Variants in MEAF6 observed in about 807,000 individuals in gnomAD.
MEAF6 encodes the protein chromatin modification-related protein MEAF6.
MEAF6 carries 15 observed loss-of-function variants against 28.9 expected under a neutral mutation model. That is an observed-to-expected ratio of 0.52 (90% CI 0.35 to 0.80). The LOEUF is 0.80. Among genes scored for constraint, MEAF6 ranks in the 30% least tolerant of loss-of-function variants. The probability of loss-of-function intolerance (pLI) is 0.01; values close to 1 mark genes in which losing one functional copy is unlikely to be tolerated. For missense variants in MEAF6, 178 were observed against 237.5 expected (o/e 0.75, Z 1.65); for synonymous variants, 97 against 88.7 (o/e 1.09, Z -0.53).
In MEAF6 at chr1:37,493,798, T is replaced by G. The variant is rs780534754; in HGVS notation, c.*301A>C. 41 of 1,550,716 alleles carry G rather than the reference T, an allele frequency of 2.6e-5. No individual in the cohort carries two copies. Among genetic ancestry groups the G allele is most frequent in the Non-Finnish European group, 3.6e-5 (41 of 1,147,074 alleles). On this transcript the variant is annotated 3_prime_UTR_variant, in exon 7 of 7. Coordinates refer to ENST00000296214, the MANE Select transcript of MEAF6 (RefSeq NM_001270875.3). ...AGATGAAGCTGGTGCCAGCCAGTTT[T>G]GGGGGAGACATTCATTCTAAGAAGG...
intron 6 of MEAF6, among the ~76,000 whole-genome samples, chr1:37,495,131 G>C (rs1642076354): frequency 6.6e-6 from 1 of 151,338 alleles, no homozygotes. Context: ...TCAGGAGTTT[G>C]AGACCAGCAT....
Position 37,491,954 on chromosome 1 carries a change from C to T in MEAF6, c.*2145G>A, listed in dbSNP as rs1641947434. 6.7e-6 allele frequency among the ~76,000 whole-genome samples: 1 copy of T among 150,176 alleles called. No individual in the cohort carries two copies. Among genetic ancestry groups the T allele is most frequent in the African/African-American group, 2.4e-5 (1 of 40,930 alleles). On this transcript the variant is annotated 3_prime_UTR_variant, in exon 7 of 7. Transcript: ENST00000296214. ...TTTTGACAGAGTCTCGCTCTGTCGC[C>T]CAGGCTGCTGGAGTGCAGTGGCGCA...
rs1417568856 is a variant in MEAF6, at chr1:37,492,991, G to C, written c.*1108C>G. ...TTCCAATGTGCAGCCAGACCCTGTC[G>C]CAAGTTCACCACAGCACTAGAGGCA... On this transcript the variant is annotated 3_prime_UTR_variant, in exon 7 of 7. Transcript: ENST00000296214. 2.0e-5 allele frequency: 3 copies of C among 152,164 alleles called. No individual in the cohort carries two copies. Among genetic ancestry groups the C allele is most frequent in the Non-Finnish European group, 4.4e-5 (3 of 68,038 alleles). 9.4% of individuals were successfully genotyped at this position (152,164 alleles called of 1,614,324 possible).
In MEAF6 at chr1:37,514,654, C is replaced by T. The variant is rs1368676642; in HGVS notation, c.90+3G>A. 1.3e-6 allele frequency: 2 copies of T among 1,533,756 alleles called. No individual in the cohort carries two copies. The highest frequency in any genetic ancestry group is 1.4e-5 in the African/African-American group (1 of 69,414). On this transcript the variant is annotated splice_donor_region_variant and intron_variant, in intron 1 of 6. Transcript: ENST00000296214. ...CCGTGCAACCCCTGTCCTAGCCCCT[C>T]ACCGCCAGCTCCTGCTTCCGCTTCA...
chr1:37,512,511 G>A (rs573395119), intron 2 of MEAF6, among the ~76,000 whole-genome samples: 101 of 152,250 alleles, frequency 6.6e-4, no homozygotes, highest in African/African-American at 2.4e-3. Context: ...CCTATAATTT[G>A]AAGATTTTCT....
In MEAF6 at chr1:37,502,007, T is replaced by A. The variant is rs1303983101; in HGVS notation, c.341-11A>T. On this transcript the variant is annotated splice_polypyrimidine_tract_variant and intron_variant, in intron 4 of 6. Transcript: ENST00000296214. The stretch of plus-strand genomic sequence containing the variant: ...CACTTCCTGGCTCCCCTGAAGGAAA[T>A]AAAACACAAGTTTCCAAATGCATCA... The A allele has an allele frequency of 1.7e-5, 27 of 1,586,678 alleles. No homozygotes were observed. Among genetic ancestry groups the A allele is most frequent in the Non-Finnish European group, 2.3e-5 (27 of 1,160,364 alleles).
At chr1:37,498,162 T>C (rs1022771039) in intron 5 of MEAF6, among the ~76,000 whole-genome samples, 2 of 152,164 alleles carry the variant, frequency 1.3e-5, no homozygotes, top group South Asian at 2.1e-4. Flanking sequence ...TCCTAGACAA[T>C]GTTTGCAAGA....
intron 4 of MEAF6, among the ~76,000 whole-genome samples, chr1:37,508,198 TAC>T (rs1642548531): frequency 6.6e-6 from 1 of 151,430 alleles, no homozygotes; most frequent in African/African-American, 2.4e-5. Context: ...ATAATTCGTT[TAC>T]AGAGTAAATA....
Position 37,494,010 on chromosome 1 carries a change from C to G in MEAF6, c.*89G>C. The G allele has an allele frequency of 6.3e-7, 1 of 1,589,304 alleles. No individual in the cohort carries two copies. Among genetic ancestry groups the G allele is most frequent in the Non-Finnish European group, 8.5e-7 (1 of 1,171,860 alleles). On this transcript the variant is annotated 3_prime_UTR_variant, in exon 7 of 7. Transcript: ENST00000296214. The stretch of plus-strand genomic sequence containing the variant: ...CTGGGAGAGCAGAGGTGGATGGCCA[C>G]GAACTCAGGTGAAGGATGTTTATCT...
chr1:37,492,317 C>T lies in MEAF6; in HGVS notation c.*1782G>A, dbSNP rs1471078848. ...TGCTGGGATTACAGGTGTGAGCCAC[C>T]GCACCCAGCCCAAGAGTCAAAAATA... On this transcript the variant is annotated 3_prime_UTR_variant, in exon 7 of 7. Coordinates refer to ENST00000296214, the MANE Select transcript of MEAF6 (RefSeq NM_001270875.3). Among the ~76,000 whole-genome samples, 1 of 151,392 alleles carries T rather than the reference C, an allele frequency of 6.6e-6. No homozygotes were observed. The highest frequency in any genetic ancestry group is 1.5e-5 in the Non-Finnish European group (1 of 67,810).
intron 5 of MEAF6, among the ~76,000 whole-genome samples, chr1:37,499,831 C>T (rs898123894): frequency 1.3e-5 from 2 of 152,170 alleles, no homozygotes; most frequent in African/African-American, 4.8e-5. Context: ...TGAAGTTTAG[C>T]TCCTCTTTAA....
chr1:37,508,977 G>A (rs1642575813), intron 4 of MEAF6, among the ~76,000 whole-genome samples: 1 of 152,128 alleles, frequency 6.6e-6, no homozygotes, highest in African/African-American at 2.4e-5. Flanking sequence ...GATGCCTGTG[G>A]TCCTAGCTAC....
intron 4 of MEAF6, among the ~76,000 whole-genome samples, chr1:37,507,045 C>A (rs904521425): frequency 6.6e-6 from 1 of 152,156 alleles, no homozygotes; most frequent in African/African-American, 2.4e-5. Flanking sequence ...CAGGGCCGGG[C>A]CCTGTGGCTC....
rs1320025815 is a variant in MEAF6, at chr1:37,493,861, A to G, written c.*238T>C. On this transcript the variant is annotated 3_prime_UTR_variant, in exon 7 of 7. Transcript: ENST00000296214. ...GTTAGCAACTTGCTGGGATTACAAC[A>G]TTGTCTTCATCTTCCTGCAGTTCTG... 3 of 1,554,300 alleles carry G rather than the reference A, an allele frequency of 1.9e-6. No homozygotes were observed. Among genetic ancestry groups the G allele is most frequent in the Admixed American group, 2.0e-5 (1 of 49,084 alleles).
intron 5 of MEAF6, chr1:37,500,815 G>C (rs980533245): frequency 1.3e-5 from 2 of 152,758 alleles, no homozygotes; most frequent in Admixed American, 6.5e-5. Flanking sequence ...AAGCAAACTG[G>C]AGAACAGGGA....
At chr1:37,509,377 A>C in intron 3 of MEAF6, 54 bp from the exon 4 acceptor site, 1 of 1,604,802 alleles carries the variant, frequency 6.2e-7, no homozygotes, top group Non-Finnish European at 8.5e-7. Context: ...TCAGAAGAGC[A>C]CTCCCAGAGG....
chr1:37,494,285 G>A (rs1465134905), intron 6 of MEAF6, among the ~76,000 whole-genome samples, 178 bp from the exon 7 acceptor site: 1 of 152,074 alleles, frequency 6.6e-6, no homozygotes, highest in Admixed American at 6.6e-5. Context: ...GGAAGCCGAG[G>A]CAGGGAGATC....
Position 37,495,411 on chromosome 1 carries a change from A to G in MEAF6, c.567+474T>C, listed in dbSNP as rs181188704. 1.4e-3 allele frequency among the ~76,000 whole-genome samples: 205 copies of G among 151,196 alleles called. 2 individuals carry two copies. Among genetic ancestry groups the G allele is most frequent in the Middle Eastern group, 0.01 (3 of 292 alleles). On this transcript the variant is annotated intron_variant, in intron 6 of 6. Transcript: ENST00000296214. Reference sequence around the variant, plus strand: ...TGACCTCTTTCTCTCCTTAAAATACAAAAACCATAGGCCAGGCACGTTGGC... The same window carrying G: ...TGACCTCTTTCTCTCCTTAAAATACGAAAACCATAGGCCAGGCACGTTGGC...
chr1:37,496,943 C>G (rs929818300), intron 5 of MEAF6, among the ~76,000 whole-genome samples: 2 of 152,148 alleles, frequency 1.3e-5, no homozygotes, highest in Non-Finnish European at 2.9e-5. Flanking sequence ...GAAGACTAGA[C>G]TATGAAAGAA....
Sources: gnomAD v4.1 joint callset for allele counts (sites outside exome capture counted in the v4.1 genomes callset) on GRCh38, gnomAD v4.1.1 for gene constraint, MANE v1.5 for transcripts, NCBI Gene and HGNC (gene_info 2026-07-23, HGNC 2026-07-21) for gene names.